The following CHMP7 variants were observed in gnomAD, a reference collection of about 807,000 sequenced individuals.
CHMP7 encodes charged multivesicular body protein 7.
CHMP7 carries 15 observed loss-of-function variants against 53.7 expected under a neutral mutation model. That is an observed-to-expected ratio of 0.28 (90% CI 0.19 to 0.43). The LOEUF (loss-of-function observed/expected upper bound fraction) is 0.43. CHMP7 is among the 20% of genes least tolerant of loss of function. CHMP7 has a pLI of 1.00. For synonymous variants in CHMP7, 261 were observed against 228.0 expected (o/e 1.14, Z -1.30); for missense variants, 527 against 569.4 (o/e 0.93, Z 0.76).
chr8:23,246,509 T>TC lies in CHMP7; in HGVS notation c.-185dup. 1 of 604,466 alleles carries TC rather than the reference T, an allele frequency of 1.7e-6. No individual in the cohort carries two copies. The highest frequency in any genetic ancestry group is 2.9e-6 in the Non-Finnish European group (1 of 343,122). 37.4% of individuals were successfully genotyped at this position (604,466 alleles called of 1,614,324 possible). A position where few individuals can be genotyped will look rare whatever the true frequency, so the allele number is the denominator to read the frequency against. ...CTGAAAAGAACTTCATCATACTGCC[T>TC]CCTGGCTGACGGAGCGCAGCGCAAC... is the stretch of plus-strand genomic sequence containing the variant. On this transcript the variant is annotated 5_prime_UTR_variant, in exon 2 of 11. Coordinates refer to ENST00000397677, the MANE Select transcript of CHMP7 (RefSeq NM_152272.5).
At chr8:23,260,440 AG>A in intron 10 of CHMP7, 97 bp from the exon 11 acceptor site, 1 of 1,509,150 alleles carries the variant, frequency 6.6e-7, no homozygotes, top group East Asian at 2.3e-5. Flanking sequence ...TAGGGAGTTG[AG>A]GGTTGTTTAT....
Position 23,255,659 on chromosome 8 carries a change from G to A in CHMP7, c.657+227G>A, listed in dbSNP as rs375717364. On this transcript the variant is annotated intron_variant, in intron 4 of 10. Coordinates refer to ENST00000397677, the MANE Select transcript of CHMP7 (RefSeq NM_152272.5). Reference sequence around the variant, plus strand: ...ACCTCGTAGTATCCCGCCTGTATGCGCATCCCTGCTTTGTCCAGCATCTCC... The same window carrying A: ...ACCTCGTAGTATCCCGCCTGTATGCACATCCCTGCTTTGTCCAGCATCTCC... Among the ~76,000 whole-genome samples, 24 of 152,136 alleles carry A rather than the reference G, an allele frequency of 1.6e-4. No individual in the cohort carries two copies. In the East Asian group the frequency reaches 1.9e-3, roughly 12 times the overall value.
chr8:23,258,887 T>G, intron 8 of CHMP7, 57 bp downstream of exon 8: 1 of 1,258,876 alleles, frequency 7.9e-7, no homozygotes, highest in Admixed American at 1.7e-5. Flanking sequence ...AGGACAGATT[T>G]GACTTCATTG....
intron 4 of CHMP7, 128 bp from the exon 5 acceptor site, chr8:23,256,332 T>C (rs750563097): frequency 1.7e-4 from 117 of 700,590 alleles, no homozygotes; most frequent in Non-Finnish European, 1.4e-4. Context: ...GGGGATTCCA[T>C]TCACTGGAAC....
rs1802334016 is a variant in CHMP7, at chr8:23,260,264, C to T, written c.1241C>T (p.Pro414Leu). 1 of 1,614,076 alleles carries T rather than the reference C, an allele frequency of 6.2e-7. No individual in the cohort carries two copies. Among genetic ancestry groups the T allele is most frequent in the Non-Finnish European group, 8.5e-7 (1 of 1,180,042 alleles). The change falls in exon 10 of 11, where the codon CCT (proline) becomes CTT (leucine). Residue 414 changes from proline to leucine, a missense_variant. Pro to Leu is a moderately conservative substitution (Grantham distance 98). Coordinates refer to ENST00000397677, the MANE Select transcript of CHMP7 (RefSeq NM_152272.5). ...CATTTTACCAACAGCGTGCCTAACC[C>T]TAGGATCTCAGATGCTGAACTTGAA... ...NRHFTNSVPN[P>L]RISDAELEAE...
rs1802208823 is a variant in CHMP7 at position 23,258,060 on chromosome 8, C to T, written c.819C>T (p.Cys273=). The T allele has an allele frequency of 6.2e-7, 1 of 1,613,182 alleles. No homozygotes were observed. The highest frequency in any genetic ancestry group is 8.5e-7 in the Non-Finnish European group (1 of 1,179,304). The change falls in exon 6 of 11, where the codon TGC becomes TGT. Residue 273 remains cysteine, a synonymous_variant. Coordinates refer to ENST00000397677, the MANE Select transcript of CHMP7 (RefSeq NM_152272.5). Reference sequence around the variant, plus strand: ...GTAAAGAAGAAGCCCGCCGGGCATGCCGAGCAGGAAAGAAGCAGCTGGTGA... The same window carrying T: ...GTAAAGAAGAAGCCCGCCGGGCATGTCGAGCAGGAAAGAAGCAGCTGGTGA... The part of the protein sequence containing the change: ...ERCKEEARRA[C]RAGKKQLALR...
At chr8:23,247,050 G>C in intron 2 of CHMP7, 56 bp downstream of exon 2, 1 of 1,441,996 alleles carries the variant, frequency 6.9e-7, no homozygotes, top group Non-Finnish European at 9.1e-7. Flanking sequence ...GCTCTCGGAG[G>C]GCCGGGCCCT....
chr8:23,258,281 C>T, intron 6 of CHMP7, 49 bp from the exon 7 acceptor site: 1 of 1,612,394 alleles, frequency 6.2e-7, no homozygotes. Flanking sequence ...CTTCCTCTTG[C>T]CCTTTGGCTC....
rs1365200740 is a variant in CHMP7, at chr8:23,260,689, G to A, written c.*90G>A. Reference sequence around the variant, plus strand: ...TTTAAACAAGAAACTCTCAGAATGTGTTTGGAAGAGGAGAAAGGAGAACCA... The same window carrying A: ...TTTAAACAAGAAACTCTCAGAATGTATTTGGAAGAGGAGAAAGGAGAACCA... On this transcript the variant is annotated 3_prime_UTR_variant, in exon 11 of 11. Transcript: ENST00000397677. The A allele has an allele frequency of 2.0e-5, 20 of 1,018,938 alleles. No homozygotes were observed. Among genetic ancestry groups the A allele is most frequent in the Non-Finnish European group, 3.1e-5 (20 of 643,316 alleles). The allele number at this position is 1,018,938 out of a possible 1,614,324, so 63.1% of individuals were successfully genotyped here.
rs775487342 is a variant in CHMP7, at chr8:23,260,116, G to T, written c.1121-28G>T. ...TAATGCATTTCTCCCTTGAGTTTAT[G>T]CATCTTTATGTTGTCTTTTCTTTCC... is the stretch of plus-strand genomic sequence containing the variant. On this transcript the variant is annotated intron_variant, in intron 9 of 10. Coordinates refer to ENST00000397677, the MANE Select transcript of CHMP7 (RefSeq NM_152272.5). The T allele has an allele frequency of 1.9e-6, 3 of 1,591,842 alleles. No homozygotes were observed. The East Asian group carries it at 6.7e-5, about 36-fold the overall frequency.
chr8:23,256,816 G>A (rs527307744), intron 5 of CHMP7: 176 of 233,682 alleles, frequency 7.5e-4, no homozygotes, highest in African/African-American at 4.0e-3. Context: ...TTTTTGAGAC[G>A]GAGTCTCGCT....
At position 23,249,623 on chromosome 8, in the gene CHMP7, A is replaced by G. The variant is rs527663789; in HGVS notation, c.471+242A>G. Among the ~76,000 whole-genome samples, 75 of 152,264 alleles carry G rather than the reference A, an allele frequency of 4.9e-4. 1 individual carries two copies. The South Asian group carries it at 0.015, about 30-fold the overall frequency. ...AGTTAACAGTGGATTATTTTCTAGTATCTGTAGGGATTAATGTTAAGCAGC... is the reference window on the plus strand; with the variant it reads ...AGTTAACAGTGGATTATTTTCTAGTGTCTGTAGGGATTAATGTTAAGCAGC... On this transcript the variant is annotated intron_variant, in intron 3 of 10. Transcript: ENST00000397677.
chr8:23,253,873 A>C (rs1802025137), intron 3 of CHMP7, among the ~76,000 whole-genome samples: 1 of 152,170 alleles, frequency 6.6e-6, no homozygotes, highest in Admixed American at 6.5e-5. Flanking sequence ...CCTTGCCTCT[A>C]ATCTTAACTC....
At chr8:23,252,193 A>ATTTTTTTTTTTTTTT (rs1563405578) in intron 3 of CHMP7, among the ~76,000 whole-genome samples, 11 of 48,398 alleles carry the variant, frequency 2.3e-4, no homozygotes, top group Non-Finnish European at 5.3e-4. Flanking sequence ...GTATTGTGTT[A>ATTTTTTTTTTTTTTT]TCTTTTTTTT....
In CHMP7 at chr8:23,246,635, G is replaced by C. The variant is rs1399289988; in HGVS notation, c.-61G>C. ...CAAGGAACGGAAGCCGGGAGGGAAC[G>C]AGGGCGGAAGCGGACCAGGGCCAGG... On this transcript the variant is annotated 5_prime_UTR_variant, in exon 2 of 11. Transcript: ENST00000397677. 1.4e-6 allele frequency: 2 copies of C among 1,419,370 alleles called. No individual in the cohort carries two copies. Among genetic ancestry groups the C allele is most frequent in the South Asian group, 1.3e-5 (1 of 75,874 alleles). 87.9% of individuals were successfully genotyped at this position (1,419,370 alleles called of 1,614,324 possible).
chr8:23,257,124 G>A (rs1802166240), intron 5 of CHMP7, among the ~76,000 whole-genome samples: 1 of 145,768 alleles, frequency 6.9e-6, no homozygotes, highest in East Asian at 2.0e-4. Context: ...ATTGAGACAG[G>A]GTCTTGCACT....
In CHMP7 at chr8:23,259,090, T is replaced by G. The variant is rs981754373; in HGVS notation, c.1084T>G (p.Ser362Ala). ...GCTCTGTGACACCCAGGATGAAGTT[T>G]CTCAGACTCTGGCTGGTGGGGTAAC... is the stretch of plus-strand genomic sequence containing the variant. ...QELCDTQDEVSQTLAGGVTNG... is the reference protein window; with the variant it reads ...QELCDTQDEVAQTLAGGVTNG... Residue 362 changes from serine (S) to alanine (A), a missense_variant, in exon 9 of 11, where the codon TCT becomes GCT. Physicochemically the swap from Ser to Ala is moderately conservative, Grantham distance 99. Coordinates refer to ENST00000397677, the MANE Select transcript of CHMP7 (RefSeq NM_152272.5). 6.2e-7 allele frequency: 1 copy of G among 1,609,328 alleles called. No homozygotes were observed. Among genetic ancestry groups the G allele is most frequent in the Admixed American group, 1.7e-5 (1 of 60,006 alleles).
chr8:23,257,379 A>G (rs780392875), intron 5 of CHMP7, among the ~76,000 whole-genome samples: 2 of 152,180 alleles, frequency 1.3e-5, no homozygotes, highest in Non-Finnish European at 1.5e-5. Context: ...TACTGGGGTG[A>G]GCCACTGTGC....
At position 23,246,827 on chromosome 8, in the gene CHMP7, G is replaced by A. The variant is rs1240364488; in HGVS notation, c.132G>A (p.Val44=). The A allele has an allele frequency of 1.3e-6, 2 of 1,599,146 alleles. No homozygotes were observed. The highest frequency in any genetic ancestry group is 1.7e-6 in the Non-Finnish European group (2 of 1,173,254). Residue 44 remains valine, a synonymous_variant, in exon 2 of 11, where the codon GTG becomes GTA. Transcript: ENST00000397677. The part of the protein sequence containing the change: ...LFSAFKRSRE[V]NSTDWDSKMG... Reference sequence around the variant, plus strand: ...CCGCTTTCAAGAGGAGTCGCGAGGTGAACAGCACCGACTGGGACAGCAAGA... The same window carrying A: ...CCGCTTTCAAGAGGAGTCGCGAGGTAAACAGCACCGACTGGGACAGCAAGA...
Sources: allele counts gnomAD v4.1 joint callset (sites outside exome capture counted in the v4.1 genomes callset), GRCh38; gene constraint gnomAD v4.1.1; transcripts MANE v1.5; gene names NCBI Gene and HGNC (gene_info 2026-07-23, HGNC 2026-07-21).